DHRSX: variants seen among roughly 807,000 people sequenced by gnomAD.
The protein encoded by DHRSX is dehydrogenase/reductase X-linked, also known as polyprenol dehydrogenase.
A neutral mutation model predicts 34.0 loss-of-function variants in DHRSX; 31 were observed. The observed-to-expected ratio is 0.91, with a 90% CI of 0.69 to 1.23. The LOEUF (loss-of-function observed/expected upper bound fraction) is 1.23. DHRSX is among the 50% of genes most tolerant of loss of function. The pLI, the probability that DHRSX is intolerant of heterozygous loss-of-function variation, is 0.00. For missense variants in DHRSX, 414 were observed against 428.1 expected (o/e 0.97, Z 0.29); for synonymous variants, 201 against 183.8 (o/e 1.09, Z -0.76).
intron 3 of DHRSX, among the ~76,000 whole-genome samples, chrX:2,293,658 C>T (rs1008688046): frequency 7.2e-5 from 11 of 151,936 alleles, no homozygotes; most frequent in African/African-American, 1.9e-4. Context: ...CTGGGCTGGC[C>T]GAGAAGAGAA....
At chrX:2,293,509 T>C (rs746546037) in intron 3 of DHRSX, among the ~76,000 whole-genome samples, 36 of 151,480 alleles carry the variant, frequency 2.4e-4, no homozygotes, top group African/African-American at 8.7e-4. Flanking sequence ...TGGAGAGAGG[T>C]GGAAGGTATT....
At chrX:2,344,956 A>T in intron 3 of DHRSX, among the ~76,000 whole-genome samples, 1 of 146,590 alleles carries the variant, frequency 6.8e-6, no homozygotes, top group East Asian at 2.0e-4. Context: ...TGATGTAAAA[A>T]TTTTGAATTT....
chrX:2,327,647 C>A, intron 3 of DHRSX, among the ~76,000 whole-genome samples: 1 of 152,298 alleles, frequency 6.6e-6, no homozygotes, highest in South Asian at 2.1e-4. Flanking sequence ...GATTCCTTCT[C>A]CCAAATCCCT....
intron 1 of DHRSX, among the ~76,000 whole-genome samples, chrX:2,471,243 G>T (rs1265533255): frequency 2.0e-5 from 3 of 152,128 alleles, no homozygotes; most frequent in Non-Finnish European, 2.9e-5. Context: ...GCTCCAAGTT[G>T]CCAAGGAAAG....
chrX:2,292,194 G>A (rs1466466401), intron 3 of DHRSX, among the ~76,000 whole-genome samples: 1 of 152,160 alleles, frequency 6.6e-6, no homozygotes, highest in Non-Finnish European at 1.5e-5. Flanking sequence ...CTGATGTTTT[G>A]TGAGAGCGCC....
At chrX:2,465,228 C>A (rs192604314) in intron 1 of DHRSX, among the ~76,000 whole-genome samples, 11 of 152,296 alleles carry the variant, frequency 7.2e-5, no homozygotes, top group Admixed American at 7.2e-4. Flanking sequence ...CTTCCTACAG[C>A]TGTGGGAAAA....
intron 1 of DHRSX, chrX:2,490,525 G>A: frequency 5.6e-6 from 9 of 1,613,982 alleles, no homozygotes; most frequent in Non-Finnish European, 7.6e-6. Context: ...TCTCCAGGTG[G>A]TAGGACAGGT....
At chrX:2,360,149 C>G (rs1045945504) in intron 3 of DHRSX, among the ~76,000 whole-genome samples, 1 of 151,974 alleles carries the variant, frequency 6.6e-6, no homozygotes, top group Non-Finnish European at 1.5e-5. Context: ...TGAAGCTTCC[C>G]TGAGTGCAAA....
chrX:2,284,747 A>G (rs1419575032), intron 4 of DHRSX, among the ~76,000 whole-genome samples: 1 of 152,182 alleles, frequency 6.6e-6, no homozygotes, highest in African/African-American at 2.4e-5. Flanking sequence ...GAGGTCTATT[A>G]TTGATTTATT....
chrX:2,342,633 G>T (rs1454141710), intron 3 of DHRSX, among the ~76,000 whole-genome samples: 1 of 152,138 alleles, frequency 6.6e-6, no homozygotes, highest in Non-Finnish European at 1.5e-5. Flanking sequence ...AACACTCACG[G>T]ATGCCTGGGC....
chrX:2,483,789 CAAAAAA>C lies in DHRSX; in HGVS notation c.109+17022_109+17027del, dbSNP rs111577835. ...TCGAGAAAAAAAAGGGAAAAAGTGG[CAAAAAA>C]AAAAAAAAAAAAAAGTAGTTTCAAC... On this transcript the variant is annotated intron_variant, in intron 1 of 6. Coordinates refer to ENST00000334651, the MANE Select transcript of DHRSX (RefSeq NM_145177.3). 2.2e-3 allele frequency among the ~76,000 whole-genome samples: 241 copies of C among 110,406 alleles called. 1 individual carries two copies. The highest frequency in any genetic ancestry group is 5.4e-3 in the African/African-American group (178 of 32,924). 72.4% of individuals were successfully genotyped at this position (110,406 alleles called of 152,430 possible). A position where few individuals can be genotyped will look rare whatever the true frequency, so the allele number is the denominator to read the frequency against.
intron 3 of DHRSX, among the ~76,000 whole-genome samples, chrX:2,295,645 C>T (rs2041923099): frequency 1.3e-5 from 2 of 152,240 alleles, no homozygotes; most frequent in Non-Finnish European, 1.5e-5. Context: ...TTCTAAAACA[C>T]GTCATTCTGG....
chrX:2,328,502 C>T (rs1217396209), intron 3 of DHRSX, among the ~76,000 whole-genome samples: 1 of 151,258 alleles, frequency 6.6e-6, no homozygotes, highest in African/African-American at 2.4e-5. Context: ...GTTTATAAGT[C>T]ACCCAGTCTA....
intron 3 of DHRSX, among the ~76,000 whole-genome samples, chrX:2,301,466 G>A (rs1448586110): frequency 6.6e-6 from 1 of 152,184 alleles, no homozygotes; most frequent in Non-Finnish European, 1.5e-5. Context: ...TTTCTTTGCT[G>A]AGCCTTGCAC....
intron 1 of DHRSX, among the ~76,000 whole-genome samples, chrX:2,431,759 G>T (rs1347386282): frequency 2.0e-5 from 3 of 152,144 alleles, no homozygotes; most frequent in Non-Finnish European, 4.4e-5. Flanking sequence ...ATTCAATGGG[G>T]CAAGGAAGGG....
At position 2,283,895 on chromosome X, in the gene DHRSX, T is replaced by TTCATTCCTTTGAATTCAC. The variant is rs1235942400; in HGVS notation, c.388+7589_388+7606dup. On this transcript the variant is annotated intron_variant, in intron 4 of 6. Coordinates refer to ENST00000334651, the MANE Select transcript of DHRSX (RefSeq NM_145177.3). Reference sequence around the variant, plus strand: ...TCATTCATTCATTCCTTTGAATTCGTTCATTCCTTTGAATTCACTCATTCC... The same window carrying TTCATTCCTTTGAATTCAC: ...TCATTCATTCATTCCTTTGAATTCGTTCATTCCTTTGAATTCACTCATTCCTTTGAATTCACTCATTCC... 2.5e-4 allele frequency among the ~76,000 whole-genome samples: 34 copies of TTCATTCCTTTGAATTCAC among 137,658 alleles called. 3 individuals carry two copies. The highest frequency in any genetic ancestry group is 5.1e-4 in the Admixed American group (7 of 13,658). 90.3% of individuals were successfully genotyped at this position (137,658 alleles called of 152,430 possible).
At chrX:2,428,309 C>T (rs1267673134) in intron 1 of DHRSX, among the ~76,000 whole-genome samples, 16 of 152,054 alleles carry the variant, frequency 1.1e-4, no homozygotes, top group African/African-American at 1.4e-4. Context: ...TCCACTATAA[C>T]GACACACACA....
chrX:2,325,559 GA>G (rs2042375810), intron 3 of DHRSX, among the ~76,000 whole-genome samples: 1 of 152,000 alleles, frequency 6.6e-6, no homozygotes, highest in Non-Finnish European at 1.5e-5. Flanking sequence ...TTGCATAACC[GA>G]TTAGGGTGGG....
intron 5 of DHRSX, among the ~76,000 whole-genome samples, chrX:2,254,053 CTG>C (rs1036876209): frequency 8.4e-5 from 12 of 142,068 alleles, no homozygotes; most frequent in African/African-American, 3.2e-4. Context: ...AAGCAAGACT[CTG>C]TCTCAAAAAA....
Sources: allele counts gnomAD v4.1 joint callset (sites outside exome capture counted in the v4.1 genomes callset), GRCh38; gene constraint gnomAD v4.1.1; transcripts MANE v1.5; gene names NCBI Gene and HGNC (gene_info 2026-07-23, HGNC 2026-07-21).